Variants in PRDM2 observed in about 807,000 individuals in gnomAD.
PRDM2 encodes the protein PR domain zinc finger protein 2.
In PRDM2, 30 loss-of-function variants were observed where a neutral mutation model predicts 130.0. The ratio of observed to expected loss-of-function variants is 0.23; its 90% CI spans 0.17 to 0.31. PRDM2 has a LOEUF of 0.31. Ranked by LOEUF, PRDM2 falls within the 10% of genes least tolerant of loss-of-function variation. PRDM2 has a pLI of 1.00. For missense variants in PRDM2, 2,011 were observed against 2,108.4 expected (o/e 0.95, Z 0.90); for synonymous variants, 871 against 782.4 (o/e 1.11, Z -1.89).
rs1645184703 is a variant in PRDM2 at position 13,812,188 on chromosome 1, G to C, written c.5037-4239G>C. 2.0e-5 allele frequency among the ~76,000 whole-genome samples: 3 copies of C among 152,254 alleles called. No homozygotes were observed. In the South Asian group the frequency reaches 6.2e-4, roughly 32 times the overall value. On this transcript the variant is annotated intron_variant, in intron 8 of 9. Transcript: ENST00000311066. Reference sequence around the variant, plus strand: ...GGTGCAGCGTCGAAGTGGGGACAGTGCAGTGGCAATTGCCACAGTCCCCGT... The same window carrying C: ...GGTGCAGCGTCGAAGTGGGGACAGTCCAGTGGCAATTGCCACAGTCCCCGT...
intron 8 of PRDM2, among the ~76,000 whole-genome samples, chr1:13,808,262 C>T (rs1020905983): frequency 1.6e-4 from 25 of 152,010 alleles, no homozygotes; most frequent in Non-Finnish European, 3.1e-4. Flanking sequence ...GAGGCCGAGG[C>T]GGGCGGATCA....
chr1:13,733,462 C>T (rs964801015), intron 4 of PRDM2, among the ~76,000 whole-genome samples: 1 of 152,222 alleles, frequency 6.6e-6, no homozygotes, highest in African/African-American at 2.4e-5. Context: ...AGCTCTCCTT[C>T]CCTGGGGGGC....
rs58129741 is a variant in PRDM2 at position 13,805,725 on chromosome 1, G to A, written c.5037-10702G>A. ...GTTGTGTAAGACTTCTGCGGCCAGC[G>A]ATGTGGCCTAACCAGCTTTCTGTAT... On this transcript the variant is annotated intron_variant, in intron 8 of 9. Transcript: ENST00000311066. Among the ~76,000 whole-genome samples, 105 of 152,312 alleles carry A rather than the reference G, an allele frequency of 6.9e-4. 2 individuals are homozygous for A. The East Asian group carries it at 0.02, about 29-fold the overall frequency.
At chr1:13,799,342 G>A (rs1278254697) in intron 8 of PRDM2, among the ~76,000 whole-genome samples, 1 of 151,842 alleles carries the variant, frequency 6.6e-6, no homozygotes, top group Non-Finnish European at 1.5e-5. Flanking sequence ...CTACTCAGGA[G>A]ACTGAGACAG....
At chr1:13,818,544 A>G (rs1216403653) in intron 9 of PRDM2, among the ~76,000 whole-genome samples, 5 of 80,522 alleles carry the variant, frequency 6.2e-5, no homozygotes, top group Non-Finnish European at 1.5e-4. Flanking sequence ...ACTCCTGGCT[A>G]ATTTTTTTTT....
chr1:13,743,359 C>T (rs1643506911), intron 5 of PRDM2, among the ~76,000 whole-genome samples: 1 of 141,942 alleles, frequency 7.0e-6, no homozygotes, highest in Non-Finnish European at 1.5e-5. Flanking sequence ...AAGATCACAC[C>T]ACTGCACTCC....
At chr1:13,793,560 C>T (rs1644876034) in intron 8 of PRDM2, among the ~76,000 whole-genome samples, 2 of 152,192 alleles carry the variant, frequency 1.3e-5, no homozygotes, top group Admixed American at 6.5e-5. Context: ...AACTGAGAAA[C>T]ATAAGTTTCT....
At position 13,779,771 on chromosome 1, in the gene PRDM2, T is replaced by C; in HGVS notation, c.1976T>C (p.Met659Thr). 4 of 1,614,202 alleles carry C rather than the reference T, an allele frequency of 2.5e-6. No homozygotes were observed. The highest frequency in any genetic ancestry group is 3.4e-6 in the Non-Finnish European group (4 of 1,180,030). ...AAGGCCGAAACAGACTCTGACCCCATGGTCCCCTCTTGCTCTTTAAGTCTT... is the reference window on the plus strand; with the variant it reads ...AAGGCCGAAACAGACTCTGACCCCACGGTCCCCTCTTGCTCTTTAAGTCTT... Reference protein sequence around the residue: ...KIKAETDSDPMVPSCSLSLPL... With the variant: ...KIKAETDSDPTVPSCSLSLPL... The change falls in exon 8 of 10, where the codon ATG becomes ACG. Residue 659 changes from methionine to threonine, a missense_variant. Coordinates refer to ENST00000311066, the MANE Select transcript of PRDM2 (RefSeq NM_001393986.1). This position sits in a 1 kb window ranked among gnomAD's most constrained non-coding sequence, Gnocchi z 4.9.
chr1:13,776,382 G>A (rs778704708), intron 7 of PRDM2, among the ~76,000 whole-genome samples: 2 of 152,090 alleles, frequency 1.3e-5, no homozygotes, highest in Non-Finnish European at 2.9e-5. Context: ...AGAGGGGTCC[G>A]CTTCTGCAGT....
At chr1:13,713,720 A>G (rs1405501122) in intron 1 of PRDM2, among the ~76,000 whole-genome samples, 1 of 152,156 alleles carries the variant, frequency 6.6e-6, no homozygotes, top group Admixed American at 6.5e-5. Context: ...GGACACGTGA[A>G]ACCCCTAACA....
intron 8 of PRDM2, among the ~76,000 whole-genome samples, chr1:13,793,155 G>C (rs1170735275): frequency 1.3e-5 from 2 of 152,230 alleles, no homozygotes; most frequent in Non-Finnish European, 2.9e-5. Context: ...TCCTTACCTG[G>C]GTGCTGTTAG....
rs148765438 is a variant in PRDM2 at position 13,710,813 on chromosome 1, G to T, written c.-65-4728G>T. Among the ~76,000 whole-genome samples the T allele has an allele frequency of 4.7e-3, 719 of 152,196 alleles. 8 individuals are homozygous for T. Among genetic ancestry groups the T allele is most frequent in the African/African-American group, 0.016 (677 of 41,516 alleles). On this transcript the variant is annotated intron_variant, in intron 1 of 9. Coordinates refer to ENST00000311066, the MANE Select transcript of PRDM2 (RefSeq NM_001393986.1). ...TTCAAAAAAGAGCATTTGGCCGGGC[G>T]CGGTGGCTCACACCTGTAATCCCAA...
intron 8 of PRDM2, among the ~76,000 whole-genome samples, chr1:13,791,946 G>C (rs942665826): frequency 2.3e-4 from 35 of 152,144 alleles, no homozygotes; most frequent in African/African-American, 8.0e-4. Context: ...GAAGACTGGT[G>C]CCTAAATGTG....
At position 13,823,320 on chromosome 1, in the gene PRDM2, C is replaced by T. The variant is rs1002798539; in HGVS notation, c.*185C>T. ...GTGTTCACGTGTTCTCGTGCGGGCG[C>T]GTGAGTGGTCTTCAAACGAGGGTCC... is the stretch of plus-strand genomic sequence containing the variant. On this transcript the variant is annotated 3_prime_UTR_variant, in exon 10 of 10. Coordinates refer to ENST00000311066, the MANE Select transcript of PRDM2 (RefSeq NM_001393986.1). The T allele has an allele frequency of 1.0e-5, 11 of 1,059,006 alleles. No individual in the cohort carries two copies. The highest frequency in any genetic ancestry group is 4.2e-5 in the Admixed American group (2 of 47,990). The allele number at this position is 1,059,006 out of a possible 1,614,324, so 65.6% of individuals were successfully genotyped here. A position where few individuals can be genotyped will look rare whatever the true frequency, so the allele number is the denominator to read the frequency against.
rs1415942220 is a variant in PRDM2 at position 13,769,534 on chromosome 1, TCAA to T, written c.512-3543_512-3541del. Among the ~76,000 whole-genome samples the T allele has an allele frequency of 5.3e-5, 8 of 152,262 alleles. No individual in the cohort carries two copies. In the East Asian group the frequency reaches 1.5e-3, roughly 29 times the overall value. ...AAAATTGAAGGCAGGACAGGTGATT[TCAA>T]TAGCCCCTTCATCTCTAGTCCAAGG... On this transcript the variant is annotated intron_variant, in intron 6 of 9. Coordinates refer to ENST00000311066, the MANE Select transcript of PRDM2 (RefSeq NM_001393986.1).
chr1:13,708,362 C>T (rs1192646478), intron 1 of PRDM2, among the ~76,000 whole-genome samples: 1 of 152,110 alleles, frequency 6.6e-6, no homozygotes, highest in African/African-American at 2.4e-5. Context: ...GGGCTGTTGA[C>T]CTCAGAGCTC....
At chr1:13,770,120 C>A (rs977092631) in intron 6 of PRDM2, among the ~76,000 whole-genome samples, 5 of 152,120 alleles carry the variant, frequency 3.3e-5, no homozygotes, top group African/African-American at 1.2e-4. Flanking sequence ...TGATAAGATA[C>A]TGGAGATGTA....
intron 1 of PRDM2, among the ~76,000 whole-genome samples, chr1:13,713,015 C>CCTCCAT (rs1642419951): frequency 6.6e-6 from 1 of 152,102 alleles, no homozygotes; most frequent in African/African-American, 2.4e-5. Flanking sequence ...TTTGCTTCCA[C>CCTCCAT]CTCCACCTCC....
At chr1:13,788,300 G>A (rs1644781247) in intron 8 of PRDM2, among the ~76,000 whole-genome samples, 1 of 152,198 alleles carries the variant, frequency 6.6e-6, no homozygotes, top group Non-Finnish European at 1.5e-5. Context: ...AGACAACGGT[G>A]CCGAGAAGTA....
Sources: gnomAD v4.1 joint callset for allele counts (sites outside exome capture counted in the v4.1 genomes callset) on GRCh38, gnomAD v4.1.1 for gene constraint, Gnocchi (gnomAD v3.1) non-coding constraint, MANE v1.5 for transcripts, NCBI Gene and HGNC (gene_info 2026-07-23, HGNC 2026-07-21) for gene names.